The following PCDH11X variants were observed in gnomAD, a reference collection of about 807,000 sequenced individuals.
The protein encoded by PCDH11X is protocadherin-11 X-linked.
In PCDH11X, 18 loss-of-function variants were observed where a neutral mutation model predicts 53.3. The ratio of observed to expected loss-of-function variants is 0.34; its 90% CI spans 0.23 to 0.50. The LOEUF (loss-of-function observed/expected upper bound fraction) is 0.50, where lower values mean the gene tolerates loss of function less well. Among genes scored for constraint, PCDH11X ranks in the 20% least tolerant of loss-of-function variants. PCDH11X has a pLI of 0.98. For missense variants in PCDH11X, 570 were observed against 1,032.4 expected (o/e 0.55, Z 6.14); for synonymous variants, 279 against 393.3 (o/e 0.71, Z 3.44).
intron 7 of PCDH11X, among the ~76,000 whole-genome samples, chrX:92,219,729 C>T (rs1232977298): frequency 9.7e-5 from 9 of 93,184 alleles, no homozygotes; most frequent in South Asian, 1.2e-3. Flanking sequence ...AAAAAGAGCA[C>T]GCATCGCCAA....
intron 6 of PCDH11X, among the ~76,000 whole-genome samples, chrX:92,036,486 C>T (rs1405984490): frequency 9.2e-6 from 1 of 109,256 alleles, no homozygotes; most frequent in African/African-American, 3.4e-5. Flanking sequence ...TGGGAGTTTG[C>T]CTGCACAATC....
chrX:91,818,427 C>T (rs1030419551), intron 4 of PCDH11X, among the ~76,000 whole-genome samples: 1 of 110,279 alleles, frequency 9.1e-6, no homozygotes, highest in Non-Finnish European at 1.9e-5. Context: ...GGACTGGGCA[C>T]GATGGCTCAC....
At chrX:91,802,803 A>G (rs1292824203) in intron 1 of PCDH11X, among the ~76,000 whole-genome samples, 1 of 111,857 alleles carries the variant, frequency 8.9e-6, no homozygotes, top group Non-Finnish European at 1.9e-5. Flanking sequence ...GAAACAGAGA[A>G]AATCATAATT....
Position 92,480,787 on chromosome X carries a change from A to T in PCDH11X, c.3367+12465A>T, listed in dbSNP as rs201856039. On this transcript the variant is annotated intron_variant, in intron 10 of 10. Transcript: ENST00000682573. Reference sequence around the variant, plus strand: ...TCTGATGGCTGGTGCCAGCCAAAACATTTGGTAGGTCAGTGGCAGTGGGAT... The same window carrying T: ...TCTGATGGCTGGTGCCAGCCAAAACTTTTGGTAGGTCAGTGGCAGTGGGAT... 6.3e-5 allele frequency among the ~76,000 whole-genome samples: 7 copies of T among 111,643 alleles called. No homozygotes were observed. The East Asian group carries it at 1.7e-3, about 27-fold the overall frequency.
At chrX:91,855,138 A>T (rs1938251794) in intron 5 of PCDH11X, among the ~76,000 whole-genome samples, 1 of 111,852 alleles carries the variant, frequency 8.9e-6, no homozygotes, top group African/African-American at 3.3e-5. Flanking sequence ...GAGATCTTAA[A>T]TTTAAGTATT....
chrX:92,258,863 C>T (rs896955614), intron 7 of PCDH11X, among the ~76,000 whole-genome samples: 2 of 112,032 alleles, frequency 1.8e-5, no homozygotes, highest in African/African-American at 3.2e-5. Context: ...AGCAAGGCAA[C>T]ATCTTGAATG....
At chrX:92,174,983 T>C (rs976883210) in intron 6 of PCDH11X, among the ~76,000 whole-genome samples, 1 of 111,369 alleles carries the variant, frequency 9.0e-6, no homozygotes, top group African/African-American at 3.3e-5. Context: ...ATTTACAATT[T>C]TTTTTTTTTG....
chrX:92,174,547 G>A (rs2065875087), intron 6 of PCDH11X, among the ~76,000 whole-genome samples: 1 of 111,814 alleles, frequency 8.9e-6, no homozygotes, highest in Non-Finnish European at 1.9e-5. Context: ...ATCAAATGCT[G>A]GATGAAGAGC....
At chrX:91,823,417 A>G (rs1372823387) in intron 4 of PCDH11X, among the ~76,000 whole-genome samples, 1 of 110,658 alleles carries the variant, frequency 9.0e-6, no homozygotes, top group South Asian at 3.9e-4. Flanking sequence ...TGATCCCTTT[A>G]CCATTATGGA....
chrX:92,151,538 T>G (rs1221226751), intron 6 of PCDH11X, among the ~76,000 whole-genome samples: 1 of 111,879 alleles, frequency 8.9e-6, no homozygotes, highest in Non-Finnish European at 1.9e-5. Flanking sequence ...AAACGTATTT[T>G]CTACATTTAT....
chrX:92,166,714 C>T (rs1412122317), intron 6 of PCDH11X, among the ~76,000 whole-genome samples: 6 of 108,990 alleles, frequency 5.5e-5, no homozygotes, highest in Admixed American at 3.0e-4. Flanking sequence ...CCCAGTCAAC[C>T]GAGGAAGACA....
chrX:92,261,401 G>A (rs772043906), intron 7 of PCDH11X, among the ~76,000 whole-genome samples: 8 of 111,775 alleles, frequency 7.2e-5, no homozygotes, highest in Non-Finnish European at 1.3e-4. Flanking sequence ...TTCTTTTTCA[G>A]TAAAATGATA....
chrX:92,152,291 G>T (rs1362070899), intron 6 of PCDH11X, among the ~76,000 whole-genome samples: 1 of 97,133 alleles, frequency 1.0e-5, no homozygotes, highest in Middle Eastern at 4.8e-3. Context: ...GTAACTGAAT[G>T]AAATATTACT....
At chrX:92,180,842 A>T (rs1377475669) in intron 6 of PCDH11X, among the ~76,000 whole-genome samples, 1 of 105,782 alleles carries the variant, frequency 9.5e-6, no homozygotes, top group African/African-American at 3.4e-5. Context: ...AGCCATGTGG[A>T]ACTGTAAGTC....
intron 10 of PCDH11X, among the ~76,000 whole-genome samples, chrX:92,579,074 C>T (rs1420358805): frequency 3.8e-5 from 4 of 104,196 alleles, no homozygotes; most frequent in African/African-American, 1.4e-4. Flanking sequence ...ATATTGGCTC[C>T]CAATCTTTTC....
intron 8 of PCDH11X, among the ~76,000 whole-genome samples, chrX:92,340,853 C>T (rs1159441973): frequency 2.7e-5 from 3 of 112,052 alleles, no homozygotes; most frequent in Non-Finnish European, 5.6e-5. Context: ...TGCTCCACCA[C>T]CTGCTTGAAT....
At chrX:92,134,358 C>T (rs1043126064) in intron 6 of PCDH11X, among the ~76,000 whole-genome samples, 2 of 110,732 alleles carry the variant, frequency 1.8e-5, no homozygotes, top group African/African-American at 6.6e-5. Context: ...TGATGCAGTT[C>T]CCAGCTTGAC....
At chrX:92,430,125 ACTT>A (rs1334047499) in intron 9 of PCDH11X, among the ~76,000 whole-genome samples, 1 of 89,965 alleles carries the variant, frequency 1.1e-5, no homozygotes, top group Non-Finnish European at 2.4e-5. Context: ...GAACTTCAGG[ACTT>A]CTTGTAAAAT....
chrX:92,563,047 G>GTTTTTTTT (rs61411325), intron 10 of PCDH11X, among the ~76,000 whole-genome samples: 3 of 43,875 alleles, frequency 6.8e-5, no homozygotes, highest in African/African-American at 9.6e-5. Flanking sequence ...CCTTGGTACC[G>GTTTTTTTT]TTTTTTTTTT....
Sources: gnomAD v4.1 joint callset for allele counts (sites outside exome capture counted in the v4.1 genomes callset) on GRCh38, gnomAD v4.1.1 for gene constraint, MANE v1.5 for transcripts, NCBI Gene and HGNC (gene_info 2026-07-23, HGNC 2026-07-21) for gene names.